The following CCDC175 variants were observed in gnomAD, a reference collection of about 807,000 sequenced individuals.
CCDC175 encodes coiled-coil domain containing 175.
Under a neutral mutation model 114.6 loss-of-function variants are expected in CCDC175, and 100 were observed. The ratio of observed to expected loss-of-function variants is 0.87; its 90% CI spans 0.74 to 1.03. The LOEUF (loss-of-function observed/expected upper bound fraction) is 1.03, where lower values mean the gene tolerates loss of function less well. CCDC175 is among the 50% of genes least tolerant of loss of function. CCDC175 has a pLI of 0.00. For synonymous variants in CCDC175, 306 were observed against 308.7 expected, an observed-to-expected ratio of 0.99 and a Z score of 0.09; for missense variants, 880 against 917.8, an observed-to-expected ratio of 0.96 and a Z score of 0.53.
intron 7 of CCDC175, 63 bp downstream of exon 7, chr14:59,561,056 A>T: frequency 1.3e-6 from 1 of 765,366 alleles, no homozygotes; most frequent in Non-Finnish European, 2.1e-6. Flanking sequence ...TAGCATATTA[A>T]CTATATTATA....
chr14:59,549,453 T>C (rs1895319772), intron 8 of CCDC175, among the ~76,000 whole-genome samples: 1 of 152,174 alleles, frequency 6.6e-6, no homozygotes, highest in Non-Finnish European at 1.5e-5. Context: ...GTTGAGGCTA[T>C]AGTGATTTGT....
rs781659010 is a variant in CCDC175, at chr14:59,545,409, G to A, written c.1036-110C>T. The A allele has an allele frequency of 1.5e-4, 120 of 816,400 alleles. 1 individual carries two copies. The Middle Eastern group carries it at 1.9e-3, about 13-fold the overall frequency. The allele number at this position is 816,400 out of a possible 1,614,324, so 50.6% of individuals were successfully genotyped here. A position where few individuals can be genotyped will look rare whatever the true frequency, so the allele number is the denominator to read the frequency against. On this transcript the variant is annotated intron_variant, in intron 8 of 19. Coordinates refer to ENST00000537690, the MANE Select transcript of CCDC175 (RefSeq NM_001164399.2). ...CACCTGGGATATTGCTTAGCCCACC[G>A]TGAATATGCCATAAATGCCGAGTGA... is the stretch of plus-strand genomic sequence containing the variant.
chr14:59,545,406 A>G, intron 8 of CCDC175, 107 bp from the exon 9 acceptor site: 2 of 873,166 alleles, frequency 2.3e-6, no homozygotes, highest in Non-Finnish European at 3.4e-6. Flanking sequence ...TGCTTAGCCC[A>G]CCGTGAATAT....
chr14:59,525,398 G>T lies in CCDC175; in HGVS notation c.1879C>A (p.Gln627Lys). 1 of 1,511,522 alleles carries T rather than the reference G, an allele frequency of 6.6e-7. No individual in the cohort carries two copies. Among genetic ancestry groups the T allele is most frequent in the Non-Finnish European group, 8.8e-7 (1 of 1,139,400 alleles). 93.6% of individuals were successfully genotyped at this position (1,511,522 alleles called of 1,614,324 possible). Residue 627 changes from glutamine to lysine, a missense_variant, in exon 16 of 20, where the codon CAA becomes AAA. By Grantham distance (53) the Gln-to-Lys change is moderately conservative. Coordinates refer to ENST00000537690, the MANE Select transcript of CCDC175 (RefSeq NM_001164399.2). ...VKQELQQLRD[Q>K]ESKKNKDHFE... ...TGATCTTTGTTTTTTTTGCTTTCTT[G>T]ATCTCGTAATTGTTGTAATTCTTGT... is the stretch of plus-strand genomic sequence containing the variant.
At position 59,510,686 on chromosome 14, in the gene CCDC175, C is replaced by T; in HGVS notation, c.2265G>A (p.Leu755=). 1 of 1,537,248 alleles carries T rather than the reference C, an allele frequency of 6.5e-7. No homozygotes were observed. Among genetic ancestry groups the T allele is most frequent in the Non-Finnish European group, 8.7e-7 (1 of 1,146,886 alleles). Reference sequence around the variant, plus strand: ...GTGATTCCTGTTCCACAAGCAAACGCAGCCCTTCAAGACTCCCTCGTAGCC... The same window carrying T: ...GTGATTCCTGTTCCACAAGCAAACGTAGCCCTTCAAGACTCCCTCGTAGCC... ...STWLRGSLEG[L]RLLVEQESPM... The change falls in exon 19 of 20, where the codon CTG becomes CTA. Residue 755 remains leucine (L), a synonymous_variant. Coordinates refer to ENST00000537690, the MANE Select transcript of CCDC175 (RefSeq NM_001164399.2).
At chr14:59,570,156 G>A (rs1896765218) in intron 3 of CCDC175, among the ~76,000 whole-genome samples, 1 of 151,050 alleles carries the variant, frequency 6.6e-6, no homozygotes, top group Non-Finnish European at 1.5e-5. Context: ...GTGCCTCATT[G>A]GTGGCTGAAG....
At chr14:59,525,148 G>C (rs2139990985) in intron 16 of CCDC175, 134 bp downstream of exon 16, 1 of 598,944 alleles carries the variant, frequency 1.7e-6, no homozygotes, top group Middle Eastern at 4.8e-4. Flanking sequence ...TTGCAATCTG[G>C]GCACTTTTCT....
Position 59,505,294 on chromosome 14 carries a change from G to A in CCDC175, c.2327C>T (p.Thr776Ile). The A allele has an allele frequency of 6.7e-7, 1 of 1,499,726 alleles. No homozygotes were observed. The highest frequency in any genetic ancestry group is 8.9e-7 in the Non-Finnish European group (1 of 1,121,652). 92.9% of individuals were successfully genotyped at this position (1,499,726 alleles called of 1,614,324 possible). Residue 776 changes from threonine to isoleucine, a missense_variant, in exon 20 of 20, where the codon ACA becomes ATA. Coordinates refer to ENST00000537690, the MANE Select transcript of CCDC175 (RefSeq NM_001164399.2). ...TTTAACCACTGGGAAATGAACCCTTGTACGAATGTGTTTCTTCTTCTCTGT... is the reference window on the plus strand; with the variant it reads ...TTTAACCACTGGGAAATGAACCCTTATACGAATGTGTTTCTTCTTCTCTGT... ...DLLKKKKHIR[T>I]RVHFPVVKCT...
chr14:59,541,322 A>T (rs1894771593), intron 10 of CCDC175, among the ~76,000 whole-genome samples: 1 of 152,212 alleles, frequency 6.6e-6, no homozygotes, highest in African/African-American at 2.4e-5. Flanking sequence ...CTAAGGATAG[A>T]AGATTTTCTT....
intron 19 of CCDC175, among the ~76,000 whole-genome samples, chr14:59,505,606 A>G (rs1043495575): frequency 3.9e-5 from 6 of 152,222 alleles, no homozygotes; most frequent in African/African-American, 9.6e-5. Context: ...TAATTTCCAC[A>G]ATACTTAATA....
rs960651843 is a variant in CCDC175 at position 59,572,588 on chromosome 14, A to G, written c.355+114T>C. 114 of 556,226 alleles carry G rather than the reference A, an allele frequency of 2.0e-4. 2 individuals carry two copies. In the Admixed American group the frequency reaches 3.5e-3, roughly 17 times the overall value. 34.5% of individuals were successfully genotyped at this position (556,226 alleles called of 1,614,324 possible). A position where few individuals can be genotyped will look rare whatever the true frequency, so the allele number is the denominator to read the frequency against. On this transcript the variant is annotated intron_variant, in intron 3 of 19. Coordinates refer to ENST00000537690, the MANE Select transcript of CCDC175 (RefSeq NM_001164399.2). ...GGACCTTACTGTGTTTGTGTCATGT[A>G]TGCTTTCTAGCTCTATCTTACATGA... is the stretch of plus-strand genomic sequence containing the variant.
At chr14:59,512,276 C>T (rs1051786871) in intron 17 of CCDC175, among the ~76,000 whole-genome samples, 13 of 152,224 alleles carry the variant, frequency 8.5e-5, no homozygotes, top group African/African-American at 2.2e-4. Flanking sequence ...ACTTACCACA[C>T]GAACAGCATA....
chr14:59,567,655 G>A (rs1038074577), intron 4 of CCDC175, among the ~76,000 whole-genome samples: 1 of 152,172 alleles, frequency 6.6e-6, no homozygotes, highest in Non-Finnish European at 1.5e-5. Context: ...TGGAGAAAAT[G>A]AGGCTCACTA....
intron 11 of CCDC175, among the ~76,000 whole-genome samples, 174 bp downstream of exon 11, chr14:59,540,501 A>AT (rs2140035739): frequency 6.6e-6 from 1 of 152,084 alleles, no homozygotes; most frequent in Admixed American, 6.6e-5. Context: ...GCCAAAAAAA[A>AT]AAAAATCAAA....
At position 59,527,528 on chromosome 14, in the gene CCDC175, T is replaced by G. The variant is rs145147398; in HGVS notation, c.1763-354A>C. Among the ~76,000 whole-genome samples, 452 of 152,276 alleles carry G rather than the reference T, an allele frequency of 3.0e-3. 3 individuals carry two copies. Among genetic ancestry groups the G allele is most frequent in the African/African-American group, 0.01 (419 of 41,574 alleles). On this transcript the variant is annotated intron_variant, in intron 14 of 19. Transcript: ENST00000537690. ...CATCCCTAACCTTCCTATAAAGTTA[T>G]AGTTTTTGTTTAAATAAATTGTAAC...
chr14:59,538,300 A>AT, intron 12 of CCDC175, 146 bp from the exon 13 acceptor site: 1 of 670,440 alleles, frequency 1.5e-6, no homozygotes, highest in Non-Finnish European at 2.4e-6. Flanking sequence ...TGAGAGGAAT[A>AT]TTTTTTTCCT....
At chr14:59,507,862 G>T (rs1892514707) in intron 19 of CCDC175, among the ~76,000 whole-genome samples, 2 of 152,192 alleles carry the variant, frequency 1.3e-5, no homozygotes, top group Admixed American at 6.5e-5. Flanking sequence ...CCTGTAGGGA[G>T]CTGAAGGCCT....
At chr14:59,539,837 T>A (rs1041163452) in intron 11 of CCDC175, among the ~76,000 whole-genome samples, 1 of 151,212 alleles carries the variant, frequency 6.6e-6, no homozygotes, top group African/African-American at 2.4e-5. Context: ...GAAGCGGAGG[T>A]TGTGGTGAGC....
At chr14:59,544,718 T>TTGA (rs1328625988) in intron 9 of CCDC175, among the ~76,000 whole-genome samples, 6 of 152,272 alleles carry the variant, frequency 3.9e-5, no homozygotes, top group Non-Finnish European at 8.8e-5. Flanking sequence ...AAAGGAACAT[T>TTGA]GTGGGGCATT....
Sources: gnomAD v4.1 joint callset for allele counts (sites outside exome capture counted in the v4.1 genomes callset) on GRCh38, gnomAD v4.1.1 for gene constraint, MANE v1.5 for transcripts, NCBI Gene and HGNC (gene_info 2026-07-23, HGNC 2026-07-21) for gene names.